INVS: variants seen among roughly 807,000 people sequenced by gnomAD.
INVS encodes the protein inversion of embryo turning homolog.
Under a neutral mutation model 108.8 loss-of-function variants are expected in INVS, and 86 were observed. That is an observed-to-expected ratio of 0.79 (90% CI 0.66 to 0.95). The LOEUF is 0.95. Ranked by LOEUF, INVS falls within the 40% of genes least tolerant of loss-of-function variation. The probability of loss-of-function intolerance (pLI) is 0.00; values close to 1 mark genes in which losing one functional copy is unlikely to be tolerated. For missense variants in INVS, 1,169 were observed against 1,297.4 expected, an observed-to-expected ratio of 0.90 and a Z score of 1.52; for synonymous variants, 455 against 473.5, an observed-to-expected ratio of 0.96 and a Z score of 0.51.
chr9:100,200,777 C>G (rs1032011640), intron 3 of INVS, among the ~76,000 whole-genome samples: 1 of 152,182 alleles, frequency 6.6e-6, no homozygotes, highest in Admixed American at 6.5e-5. Context: ...TTAAGGGAGT[C>G]TATATGCATA....
intron 5 of INVS, among the ~76,000 whole-genome samples, chr9:100,239,454 A>G (rs1166608123): frequency 6.6e-6 from 1 of 152,240 alleles, no homozygotes; most frequent in Non-Finnish European, 1.5e-5. Flanking sequence ...GTATAAAAAC[A>G]TACATCTTTA....
rs780090630 is a variant in INVS, at chr9:100,154,331, A to ATTTTTTTTTTTT, written c.273+27799_273+27810dup. Among the ~76,000 whole-genome samples the ATTTTTTTTTTTT allele has an allele frequency of 1.9e-3, 132 of 68,572 alleles. 7 individuals carry two copies. Among genetic ancestry groups the ATTTTTTTTTTTT allele is most frequent in the African/African-American group, 2.3e-3 (30 of 12,994 alleles). 45.0% of individuals were successfully genotyped at this position (68,572 alleles called of 152,430 possible). ...AGGTGTGTGCCACCACAACCGACTA[A>ATTTTTTTTTTTT]TTTTTTTTTTTTTTTTTTTTTTTTT... On this transcript the variant is annotated intron_variant, in intron 3 of 16. Transcript: ENST00000262457.
At chr9:100,157,560 C>T (rs940477439) in intron 3 of INVS, among the ~76,000 whole-genome samples, 5 of 151,902 alleles carry the variant, frequency 3.3e-5, no homozygotes, top group African/African-American at 2.4e-5. Context: ...CCACCGTGCC[C>T]GGCCAAGAAA....
Position 100,126,435 on chromosome 9 carries a change from G to A in INVS, c.159G>A (p.Met53Ile), listed in dbSNP as rs548077346. The A allele has an allele frequency of 1.2e-6, 2 of 1,614,118 alleles. No homozygotes were observed. Among genetic ancestry groups the A allele is most frequent in the Non-Finnish European group, 1.7e-6 (2 of 1,179,976 alleles). Residue 53 changes from methionine to isoleucine, a missense_variant, in exon 3 of 17, where the codon ATG (methionine) becomes ATA (isoleucine). This residue lies in a region of INVS where 365 missense variants were observed against 397.5 expected (regional missense o/e 0.92). Coordinates refer to ENST00000262457, the MANE Select transcript of INVS (RefSeq NM_014425.5). Reference sequence around the variant, plus strand: ...ATCAGTTTGGGAGAACACCACTTATGTATTGCGTGTTGGCTGACAGATTGG... The same window carrying A: ...ATCAGTTTGGGAGAACACCACTTATATATTGCGTGTTGGCTGACAGATTGG... ...KEDQFGRTPL[M>I]YCVLADRLDC...
At chr9:100,263,729 G>C (rs1275002503) in intron 10 of INVS, among the ~76,000 whole-genome samples, 1 of 152,158 alleles carries the variant, frequency 6.6e-6, no homozygotes, top group African/African-American at 2.4e-5. Context: ...CTTTGTGAGG[G>C]AGTGCATTAT....
chr9:100,185,849 C>T (rs976429149), intron 3 of INVS, among the ~76,000 whole-genome samples: 42 of 151,928 alleles, frequency 2.8e-4, no homozygotes, highest in Non-Finnish European at 5.7e-4. Context: ...TAATGGCCTC[C>T]TCCATCCAAG....
In INVS at chr9:100,299,635, GACACACACACACAC is replaced by G. The variant is rs10530240; in HGVS notation, c.3092-900_3092-887del. On this transcript the variant is annotated intron_variant, in intron 16 of 16. Coordinates refer to ENST00000262457, the MANE Select transcript of INVS (RefSeq NM_014425.5). ...AAGAATCTCAGCAGAGCCTTTTATT[GACACACACACACAC>G]ACACACACACACACACACACACACA... Among the ~76,000 whole-genome samples, 191 of 132,366 alleles carry G rather than the reference GACACACACACACAC, an allele frequency of 1.4e-3. 1 individual carries two copies. The highest frequency in any genetic ancestry group is 1.8e-3 in the Non-Finnish European group (111 of 60,536). 86.8% of individuals were successfully genotyped at this position (132,366 alleles called of 152,430 possible).
chr9:100,250,066 C>T (rs1280511036), intron 8 of INVS, among the ~76,000 whole-genome samples: 1 of 152,066 alleles, frequency 6.6e-6, no homozygotes, highest in Non-Finnish European at 1.5e-5. Context: ...GATTGAACCA[C>T]TGCACTCCAG....
At chr9:100,226,674 A>T (rs1831332469) in intron 4 of INVS, among the ~76,000 whole-genome samples, 1 of 152,004 alleles carries the variant, frequency 6.6e-6, no homozygotes, top group African/African-American at 2.4e-5. Context: ...TTAGCCGGGC[A>T]TGTTGGCATG....
chr9:100,221,990 G>A (rs1243784078), intron 3 of INVS, among the ~76,000 whole-genome samples: 1 of 152,072 alleles, frequency 6.6e-6, no homozygotes, highest in Admixed American at 6.6e-5. Flanking sequence ...GATATTCACT[G>A]GGGATCTTGG....
intron 15 of INVS, 134 bp from the exon 16 acceptor site, chr9:100,297,802 T>C (rs1833832699): frequency 1.1e-6 from 1 of 872,300 alleles, no homozygotes; most frequent in Non-Finnish European, 1.9e-6. Flanking sequence ...GGCCTACATG[T>C]TTCCACACCA....
chr9:100,133,764 TACACACACACACACACACAC>T (rs147744972), intron 3 of INVS, among the ~76,000 whole-genome samples: 2 of 123,828 alleles, frequency 1.6e-5, no homozygotes, highest in South Asian at 3.5e-4. Flanking sequence ...CTGCCAAAGC[TACACACACACACACACACAC>T]ACACACACAC....
intron 3 of INVS, among the ~76,000 whole-genome samples, chr9:100,156,179 A>G (rs1828971958): frequency 6.6e-6 from 1 of 152,186 alleles, no homozygotes; most frequent in Admixed American, 6.5e-5. Flanking sequence ...GGAGCTTCCA[A>G]AGATGGACAA....
At chr9:100,255,702 A>G (rs1832397273) in intron 10 of INVS, among the ~76,000 whole-genome samples, 1 of 152,138 alleles carries the variant, frequency 6.6e-6, no homozygotes, top group African/African-American at 2.4e-5. Context: ...TTCTGTCTAT[A>G]TGATGGATTA....
intron 9 of INVS, 94 bp downstream of exon 9, chr9:100,252,532 T>C: frequency 8.5e-7 from 1 of 1,179,736 alleles, no homozygotes; most frequent in Non-Finnish European, 1.2e-6. Flanking sequence ...AGCAGAAAGC[T>C]GCACAAGTAC....
At chr9:100,157,239 A>G (rs1245047079) in intron 3 of INVS, among the ~76,000 whole-genome samples, 2 of 150,756 alleles carry the variant, frequency 1.3e-5, no homozygotes, top group African/African-American at 2.4e-5. Flanking sequence ...GCAAAAATTT[A>G]AAGAAATAGT....
intron 1 of INVS, among the ~76,000 whole-genome samples, chr9:100,100,962 T>G (rs1334423593): frequency 7.2e-5 from 3 of 41,958 alleles, no homozygotes; most frequent in Non-Finnish European, 1.1e-4. Flanking sequence ...ATATTATATA[T>G]ATAATATATA....
intron 3 of INVS, among the ~76,000 whole-genome samples, chr9:100,194,716 ATGTCCT>A (rs926452745): frequency 3.9e-5 from 6 of 152,196 alleles, no homozygotes; most frequent in Non-Finnish European, 8.8e-5. Flanking sequence ...TTTTTAAAAG[ATGTCCT>A]TGAGCTAAAG....
intron 11 of INVS, among the ~76,000 whole-genome samples, chr9:100,270,412 AC>A (rs1832914357): frequency 6.6e-6 from 1 of 152,064 alleles, no homozygotes; most frequent in African/African-American, 2.4e-5. Context: ...GGAGTTCGAG[AC>A]CAGCCTGGAG....
Sources: gnomAD v4.1 joint callset for allele counts (sites outside exome capture counted in the v4.1 genomes callset) on GRCh38, gnomAD v4.1.1 for gene constraint, gnomAD v4.1.1 regional missense constraint, MANE v1.5 for transcripts, NCBI Gene and HGNC (gene_info 2026-07-23, HGNC 2026-07-21) for gene names.